Variants in USP37 observed in about 807,000 individuals in gnomAD.
USP37 encodes the protein ubiquitin specific peptidase 37, also known as ubiquitin carboxyl-terminal hydrolase 37.
Under a neutral mutation model 124.0 loss-of-function variants are expected in USP37, and 27 were observed. The ratio of observed to expected loss-of-function variants is 0.22; its 90% CI spans 0.16 to 0.30. The LOEUF (loss-of-function observed/expected upper bound fraction) is 0.30, where lower values mean the gene tolerates loss of function less well. Ranked by LOEUF, USP37 falls within the 10% of genes least tolerant of loss-of-function variation. The probability of loss-of-function intolerance (pLI) is 1.00; values close to 1 mark genes in which losing one functional copy is unlikely to be tolerated. For synonymous variants in USP37, 365 were observed against 388.0 expected (o/e 0.94, Z 0.70); for missense variants, 889 against 1,140.4 (o/e 0.78, Z 3.17).
At chr2:218,456,312 G>A (rs957230108) in intron 24 of USP37, among the ~76,000 whole-genome samples, 4 of 151,876 alleles carry the variant, frequency 2.6e-5, no homozygotes, top group Non-Finnish European at 5.9e-5. Flanking sequence ...TTAGTCAGGT[G>A]TGGTGGCATG....
intron 11 of USP37, among the ~76,000 whole-genome samples, chr2:218,501,853 C>T (rs562758751): frequency 6.6e-6 from 1 of 151,104 alleles, no homozygotes; most frequent in South Asian, 2.1e-4. Flanking sequence ...GAAACTCAGT[C>T]TTCTTGACAC....
chr2:218,562,902 G>A (rs566082), intron 1 of USP37, 89 bp from the exon 2 acceptor site: 90,519 of 388,026 alleles, frequency 0.23, 11,104 homozygotes, highest in East Asian at 0.33. Context: ...GGTGGCTGAC[G>A]CGAGTAATCC....
intron 21 of USP37, among the ~76,000 whole-genome samples, chr2:218,465,768 C>A (rs1186068595): frequency 1.3e-5 from 2 of 152,078 alleles, no homozygotes; most frequent in Non-Finnish European, 2.9e-5. Context: ...GTTGGCTAGG[C>A]TGGTCTCAAA....
intron 10 of USP37, among the ~76,000 whole-genome samples, chr2:218,512,065 G>C (rs551167309): frequency 3.3e-5 from 5 of 152,100 alleles, no homozygotes; most frequent in Non-Finnish European, 5.9e-5. Flanking sequence ...CCATGTGTTA[G>C]TGGCTGTTTG....
intron 10 of USP37, chr2:218,528,486 A>G (rs891290981): frequency 4.4e-6 from 1 of 225,050 alleles, no homozygotes; most frequent in African/African-American, 2.4e-5. Context: ...ATGTGTTCTC[A>G]TTGTTCAACA....
Position 218,566,843 on chromosome 2 carries a change from TAGA to T in USP37, c.-230+1332_-230+1334del, listed in dbSNP as rs1253316899. 7.9e-5 allele frequency among the ~76,000 whole-genome samples: 12 copies of T among 151,928 alleles called. 1 individual carries two copies. In the East Asian group the frequency reaches 2.3e-3, roughly 29 times the overall value. On this transcript the variant is annotated intron_variant, in intron 1 of 25. Coordinates refer to ENST00000258399, the MANE Select transcript of USP37 (RefSeq NM_020935.3). ...GAAGTAGGATAGAACTTGGAGAGAG[TAGA>T]AGTCAAGAATGCCTCCCAAGTGTGT...
At chr2:218,468,035 TCAC>T (rs1464258781) in intron 20 of USP37, among the ~76,000 whole-genome samples, 1 of 150,158 alleles carries the variant, frequency 6.7e-6, no homozygotes, top group African/African-American at 2.5e-5. Flanking sequence ...TTACAGGTGT[TCAC>T]CACCACACCT....
chr2:218,460,802 G>A (rs1689976797), intron 22 of USP37, among the ~76,000 whole-genome samples: 1 of 152,068 alleles, frequency 6.6e-6, no homozygotes, highest in Non-Finnish European at 1.5e-5. Context: ...TTAGCCAGGT[G>A]TGGTGGCGCA....
chr2:218,529,830 G>T, intron 10 of USP37, 126 bp downstream of exon 10: 1 of 678,106 alleles, frequency 1.5e-6, no homozygotes, highest in Non-Finnish European at 2.4e-6. Flanking sequence ...GATTCTATGA[G>T]TCTCGTCAAT....
chr2:218,542,218 G>A (rs569303118), intron 8 of USP37, among the ~76,000 whole-genome samples: 5 of 152,210 alleles, frequency 3.3e-5, no homozygotes, highest in South Asian at 2.1e-4. Context: ...AATGTCATTT[G>A]CACAAGTATA....
intron 9 of USP37, 130 bp downstream of exon 9, chr2:218,534,479 A>C (rs1448894318): frequency 1.1e-5 from 4 of 372,270 alleles, no homozygotes; most frequent in African/African-American, 8.7e-5. Context: ...ACAGAGCAAG[A>C]CTCCGTCTCA....
rs542798519 is a variant in USP37 at position 218,455,938 on chromosome 2, C to T, written c.2714-220G>A. Among the ~76,000 whole-genome samples the T allele has an allele frequency of 4.6e-5, 7 of 152,130 alleles. 1 individual carries two copies. The South Asian group carries it at 1.5e-3, about 32-fold the overall frequency. On this transcript the variant is annotated intron_variant, in intron 24 of 25. Transcript: ENST00000258399. ...GCGTGCGCCTGTAGTCCCAGCTACT[C>T]AGGAGGCTGAGGCAGGAGGATTGTT...
intron 4 of USP37, among the ~76,000 whole-genome samples, chr2:218,557,886 A>G (rs1260361067): frequency 2.4e-5 from 3 of 125,694 alleles, no homozygotes; most frequent in Non-Finnish European, 4.8e-5. Flanking sequence ...AGCCGAAATC[A>G]TGTCATTGTA....
intron 14 of USP37, among the ~76,000 whole-genome samples, chr2:218,490,433 T>C (rs187162637): frequency 6.6e-6 from 1 of 152,226 alleles, no homozygotes; most frequent in African/African-American, 2.4e-5. Context: ...ATATTTTTTA[T>C]AGAATTTTAA....
chr2:218,526,255 A>ACAGTC (rs1690957475), intron 10 of USP37, among the ~76,000 whole-genome samples: 1 of 151,440 alleles, frequency 6.6e-6, no homozygotes, highest in Non-Finnish European at 1.5e-5. Context: ...TTTTTTTGAG[A>ACAGTC]CAGTCTTGCT....
At chr2:218,559,528 T>A (rs1429189673) in intron 3 of USP37, among the ~76,000 whole-genome samples, 1 of 152,180 alleles carries the variant, frequency 6.6e-6, no homozygotes, top group Non-Finnish European at 1.5e-5. Flanking sequence ...AATCATTTAA[T>A]CTCTAGAGAA....
chr2:218,562,185 C>T (rs1379606740), intron 2 of USP37, among the ~76,000 whole-genome samples: 1 of 152,178 alleles, frequency 6.6e-6, no homozygotes, highest in African/African-American at 2.4e-5. Context: ...TCAGGGCTTG[C>T]TCTACTTGGT....
intron 10 of USP37, among the ~76,000 whole-genome samples, chr2:218,520,712 A>G (rs1029232787): frequency 5.9e-5 from 9 of 152,208 alleles, no homozygotes; most frequent in Admixed American, 5.9e-4. Flanking sequence ...GATCCAACCA[A>G]AGTCCATATA....
intron 11 of USP37, among the ~76,000 whole-genome samples, chr2:218,508,277 CTT>C (rs1051039473): frequency 1.4e-5 from 2 of 140,352 alleles, no homozygotes. Flanking sequence ...GTTTTTTTTT[CTT>C]TTTTTTTTTT....
Sources: gnomAD v4.1 joint callset for allele counts (sites outside exome capture counted in the v4.1 genomes callset) on GRCh38, gnomAD v4.1.1 for gene constraint, MANE v1.5 for transcripts, NCBI Gene and HGNC (gene_info 2026-07-23, HGNC 2026-07-21) for gene names.